The following TMEM132C variants were observed in gnomAD, a reference collection of about 807,000 sequenced individuals.
TMEM132C encodes the protein transmembrane protein 132C, also known as protein phosphatase 1, regulatory subunit 152.
Under a neutral mutation model 61.4 loss-of-function variants are expected in TMEM132C, and 29 were observed. The ratio of observed to expected loss-of-function variants is 0.47; its 90% CI spans 0.35 to 0.64. The LOEUF (loss-of-function observed/expected upper bound fraction) is 0.64, where lower values mean the gene tolerates loss of function less well. Ranked by LOEUF, TMEM132C falls within the 30% of genes least tolerant of loss-of-function variation. The pLI is 0.00. For missense variants in TMEM132C, 1,408 were observed against 1,476.9 expected (o/e 0.95, Z 0.76); for synonymous variants, 656 against 633.1 (o/e 1.04, Z -0.54).
At chr12:128,540,149 T>C (rs1489523181) in intron 2 of TMEM132C, among the ~76,000 whole-genome samples, 2 of 152,192 alleles carry the variant, frequency 1.3e-5, no homozygotes, top group Non-Finnish European at 2.9e-5. Context: ...CAAGGGCTCA[T>C]TTTGTCCCTG....
intron 2 of TMEM132C, among the ~76,000 whole-genome samples, chr12:128,480,344 C>T (rs532189864): frequency 5.3e-5 from 8 of 152,310 alleles, no homozygotes; most frequent in Non-Finnish European, 1.0e-4. Flanking sequence ...TCTGCATGGA[C>T]CTTCTTCGTG....
chr12:128,627,404 A>G (rs1443476890), intron 4 of TMEM132C, among the ~76,000 whole-genome samples: 2 of 151,514 alleles, frequency 1.3e-5, no homozygotes, highest in Non-Finnish European at 2.9e-5. Flanking sequence ...TATCTTCCTT[A>G]TGTTTTCATT....
At chr12:128,303,398 T>C (rs1436692657) in intron 1 of TMEM132C, among the ~76,000 whole-genome samples, 1 of 152,198 alleles carries the variant, frequency 6.6e-6, no homozygotes, top group Non-Finnish European at 1.5e-5. Context: ...AATGTAGGGA[T>C]CCATCGTGAC....
At chr12:128,366,043 G>A (rs992639340) in intron 1 of TMEM132C, among the ~76,000 whole-genome samples, 1 of 152,218 alleles carries the variant, frequency 6.6e-6, no homozygotes, top group Non-Finnish European at 1.5e-5. Flanking sequence ...CTTTGTTGCC[G>A]AGATGGTGTT....
chr12:128,419,380 G>T (rs975539629), intron 2 of TMEM132C, among the ~76,000 whole-genome samples: 3 of 152,152 alleles, frequency 2.0e-5, no homozygotes, highest in African/African-American at 4.8e-5. Context: ...GGATGAGTGC[G>T]AAGGCTCTGG....
At position 128,363,930 on chromosome 12, in the gene TMEM132C, C is replaced by T. The variant is rs1167570788; in HGVS notation, c.86-50802C>T. ...TGGGGCAGCTGGATATTTGCATATT[C>T]CAATAACTACAACCCAGGAGAATCT... On this transcript the variant is annotated intron_variant, in intron 1 of 8. Coordinates refer to ENST00000435159, the MANE Select transcript of TMEM132C (RefSeq NM_001136103.3). Among the ~76,000 whole-genome samples, 4 of 151,438 alleles carry T rather than the reference C, an allele frequency of 2.6e-5. No individual in the cohort carries two copies. In the East Asian group the frequency reaches 7.8e-4, roughly 30 times the overall value.
At chr12:128,617,944 A>G (rs1343947825) in intron 4 of TMEM132C, among the ~76,000 whole-genome samples, 1 of 152,212 alleles carries the variant, frequency 6.6e-6, no homozygotes. Flanking sequence ...GCCACATCCA[A>G]TCTGCTGCCC....
intron 1 of TMEM132C, among the ~76,000 whole-genome samples, chr12:128,401,297 A>G (rs1420632100): frequency 6.6e-6 from 1 of 152,206 alleles, no homozygotes; most frequent in Non-Finnish European, 1.5e-5. Flanking sequence ...CCTCACCTTT[A>G]TGAGCCATGA....
intron 1 of TMEM132C, among the ~76,000 whole-genome samples, chr12:128,349,477 T>TG (rs1438524382): frequency 6.6e-6 from 1 of 152,132 alleles, no homozygotes; most frequent in Non-Finnish European, 1.5e-5. Context: ...TCACGGGGGT[T>TG]GGGGGTTTAT....
At chr12:128,440,286 G>GCC in intron 2 of TMEM132C, among the ~76,000 whole-genome samples, 1 of 152,210 alleles carries the variant, frequency 6.6e-6, no homozygotes, top group Non-Finnish European at 1.5e-5. Context: ...TGAATTAGGT[G>GCC]CTCTTTTAGT....
intron 1 of TMEM132C, among the ~76,000 whole-genome samples, chr12:128,303,099 C>G (rs1362585280): frequency 2.0e-5 from 3 of 152,154 alleles, no homozygotes; most frequent in East Asian, 1.9e-4. Context: ...GATATGTGTT[C>G]ATTTATTACT....
rs1469104044 is a variant in TMEM132C, at chr12:128,461,706, A to C, written c.974+46086A>C. 2.6e-5 allele frequency among the ~76,000 whole-genome samples: 4 copies of C among 152,078 alleles called. No homozygotes were observed. In the East Asian group the frequency reaches 5.8e-4, roughly 22 times the overall value. On this transcript the variant is annotated intron_variant, in intron 2 of 8. Transcript: ENST00000435159. ...TCATAGGCCTGTGCCCACCCAGGGA[A>C]ATTTTTTGAGTAATTCATTCAAAGT...
chr12:128,561,119 T>C (rs577393778), intron 3 of TMEM132C, among the ~76,000 whole-genome samples: 1 of 152,328 alleles, frequency 6.6e-6, no homozygotes, highest in South Asian at 2.1e-4. Context: ...TCTCAACAGC[T>C]GTGATAAAGG....
intron 1 of TMEM132C, among the ~76,000 whole-genome samples, chr12:128,342,712 G>A (rs1873015669): frequency 6.6e-6 from 1 of 152,192 alleles, no homozygotes; most frequent in Non-Finnish European, 1.5e-5. Flanking sequence ...CCTTCCCAGG[G>A]AGGGCAGAGA....
chr12:128,399,064 T>C (rs1875057125), intron 1 of TMEM132C, among the ~76,000 whole-genome samples: 1 of 152,206 alleles, frequency 6.6e-6, no homozygotes, highest in South Asian at 2.1e-4. Flanking sequence ...ATTTTCTACT[T>C]TGTCCCCTAA....
intron 1 of TMEM132C, among the ~76,000 whole-genome samples, chr12:128,302,143 G>A (rs1445824505): frequency 6.6e-6 from 1 of 152,206 alleles, no homozygotes; most frequent in Non-Finnish European, 1.5e-5. Flanking sequence ...AGTCTGTCGA[G>A]TGTGTCAGAT....
rs145712248 is a variant in TMEM132C, at chr12:128,286,127, C to T, written c.85+18640C>T. On this transcript the variant is annotated intron_variant, in intron 1 of 8. Coordinates refer to ENST00000435159, the MANE Select transcript of TMEM132C (RefSeq NM_001136103.3). ...TCCCTTTCTCTCTCTCTCTCTGCCT[C>T]CTTCACACACACGCATGCTTTCATG... 2.6e-3 allele frequency among the ~76,000 whole-genome samples: 394 copies of T among 151,634 alleles called. 4 individuals carry two copies. The highest frequency in any genetic ancestry group is 9.2e-3 in the African/African-American group (376 of 41,028).
At chr12:128,453,725 T>C (rs1870253671) in intron 2 of TMEM132C, among the ~76,000 whole-genome samples, 1 of 152,136 alleles carries the variant, frequency 6.6e-6, no homozygotes, top group South Asian at 2.1e-4. Flanking sequence ...AAAAAGTGGA[T>C]GACTCTGGCT....
At chr12:128,375,973 G>A (rs1366502540) in intron 1 of TMEM132C, among the ~76,000 whole-genome samples, 1 of 152,174 alleles carries the variant, frequency 6.6e-6, no homozygotes, top group Non-Finnish European at 1.5e-5. Flanking sequence ...CGGGATGTCG[G>A]AGCCCATGGG....
Sources: allele counts gnomAD v4.1 joint callset (sites outside exome capture counted in the v4.1 genomes callset), GRCh38; gene constraint gnomAD v4.1.1; transcripts MANE v1.5; gene names NCBI Gene and HGNC (gene_info 2026-07-23, HGNC 2026-07-21).